The following HAPLN1 variants were observed in gnomAD, a reference collection of about 807,000 sequenced individuals.
The protein encoded by HAPLN1 is hyaluronan and proteoglycan link protein 1.
In HAPLN1, 13 loss-of-function variants were observed where a neutral mutation model predicts 36.5. That is an observed-to-expected ratio of 0.36 (90% CI 0.23 to 0.57). The LOEUF (loss-of-function observed/expected upper bound fraction) is 0.57. HAPLN1 is among the 20% of genes least tolerant of loss of function. The pLI is 0.83. For synonymous variants in HAPLN1, 202 were observed against 169.8 expected (o/e 1.19, Z -1.48); for missense variants, 407 against 439.7 (o/e 0.93, Z 0.66).
In HAPLN1 at chr5:83,700,465, A is replaced by G. The variant is rs73133891; in HGVS notation, c.-27+20324T>C. Among the ~76,000 whole-genome samples, 830 of 152,228 alleles carry G rather than the reference A, an allele frequency of 5.5e-3. 8 individuals are homozygous for G. Among genetic ancestry groups the G allele is most frequent in the African/African-American group, 0.019 (788 of 41,530 alleles). Reference sequence around the variant, plus strand: ...ATACTGTTCACCTCTCATCCTCACCATGGACACTGTCATCTGGTGCAGGCA... The same window carrying G: ...ATACTGTTCACCTCTCATCCTCACCGTGGACACTGTCATCTGGTGCAGGCA... On this transcript the variant is annotated intron_variant, in intron 1 of 4. Coordinates refer to ENST00000274341, the MANE Select transcript of HAPLN1 (RefSeq NM_001884.4).
intron 1 of HAPLN1, among the ~76,000 whole-genome samples, chr5:83,714,326 G>A (rs1435135643): frequency 6.6e-6 from 1 of 152,042 alleles, no homozygotes; most frequent in East Asian, 1.9e-4. Flanking sequence ...GCTTACAAGA[G>A]CACCAAACGA....
chr5:83,682,582 G>C (rs1751031234), intron 1 of HAPLN1: 1 of 152,130 alleles, frequency 6.6e-6, no homozygotes, highest in South Asian at 2.1e-4. Flanking sequence ...TATCTTCCAA[G>C]ATCCTTACGA....
Position 83,641,162 on chromosome 5 carries a change from C to T in HAPLN1, c.*334G>A, listed in dbSNP as rs1445341647. 1 of 155,152 alleles carries T rather than the reference C, an allele frequency of 6.4e-6. No homozygotes were observed. Among genetic ancestry groups the T allele is most frequent in the Non-Finnish European group, 1.4e-5 (1 of 69,930 alleles). 9.6% of individuals were successfully genotyped at this position (155,152 alleles called of 1,614,324 possible). On this transcript the variant is annotated 3_prime_UTR_variant, in exon 5 of 5. Transcript: ENST00000274341. ...TTGTGGAACCTGCTGCTCTGAGTAG[C>T]TTTACTTTCCTTAATTTAATCCTAG...
intron 1 of HAPLN1, among the ~76,000 whole-genome samples, chr5:83,691,518 G>A (rs1451242668): frequency 1.3e-5 from 2 of 151,972 alleles, no homozygotes; most frequent in African/African-American, 4.8e-5. Flanking sequence ...CTAGTGGAGG[G>A]AAAAGTAATA....
At chr5:83,710,602 T>C (rs150329535) in intron 1 of HAPLN1, among the ~76,000 whole-genome samples, 1 of 151,868 alleles carries the variant, frequency 6.6e-6, no homozygotes, top group East Asian at 1.9e-4. Context: ...GTATGTGACA[T>C]TAGAAAAGGT....
At chr5:83,667,220 T>C (rs1000923331) in intron 2 of HAPLN1, among the ~76,000 whole-genome samples, 1 of 152,284 alleles carries the variant, frequency 6.6e-6, no homozygotes, top group African/African-American at 2.4e-5. Context: ...ATATATACTT[T>C]TGTTCTTTAC....
chr5:83,693,271 CTG>C (rs1751320630), intron 1 of HAPLN1, among the ~76,000 whole-genome samples: 1 of 151,690 alleles, frequency 6.6e-6, no homozygotes, highest in Non-Finnish European at 1.5e-5. Flanking sequence ...TGAAAATAGA[CTG>C]TGAAAAGTTA....
chr5:83,711,556 GA>G (rs1751786454), intron 1 of HAPLN1, among the ~76,000 whole-genome samples: 1 of 152,166 alleles, frequency 6.6e-6, no homozygotes, highest in Non-Finnish European at 1.5e-5. Context: ...TAGGTAGGAG[GA>G]ATGAAGAAAA....
At chr5:83,661,729 A>C (rs1283292396) in intron 2 of HAPLN1, among the ~76,000 whole-genome samples, 1 of 150,544 alleles carries the variant, frequency 6.6e-6, no homozygotes, top group Non-Finnish European at 1.5e-5. Flanking sequence ...AGGCGTGAGC[A>C]ACGGCACCCG....
At chr5:83,706,107 A>G (rs1395830862) in intron 1 of HAPLN1, among the ~76,000 whole-genome samples, 6 of 150,788 alleles carry the variant, frequency 4.0e-5, no homozygotes, top group Admixed American at 2.0e-4. Context: ...ACCAATCGAA[A>G]AAAAAAAAAA....
chr5:83,648,536 A>C (rs1038969152), intron 3 of HAPLN1, among the ~76,000 whole-genome samples: 2 of 150,566 alleles, frequency 1.3e-5, no homozygotes, highest in Admixed American at 1.3e-4. Flanking sequence ...TAGGAGCTAT[A>C]TAATTTAGGC....
At chr5:83,707,527 C>G (rs1334861408) in intron 1 of HAPLN1, among the ~76,000 whole-genome samples, 1 of 152,036 alleles carries the variant, frequency 6.6e-6, no homozygotes, top group Non-Finnish European at 1.5e-5. Flanking sequence ...TATTGGCTAG[C>G]GATATGCAGA....
At chr5:83,709,608 G>T (rs972668621) in intron 1 of HAPLN1, among the ~76,000 whole-genome samples, 2 of 152,274 alleles carry the variant, frequency 1.3e-5, no homozygotes, top group South Asian at 4.1e-4. Flanking sequence ...CCCAGAGAGT[G>T]AACATACTGT....
intron 2 of HAPLN1, among the ~76,000 whole-genome samples, chr5:83,669,726 C>T (rs546704564): frequency 1.3e-4 from 19 of 151,764 alleles, no homozygotes; most frequent in African/African-American, 4.1e-4. Context: ...AGGGAGGAAG[C>T]AATAAACATA....
chr5:83,644,041 C>G (rs1305264027), intron 4 of HAPLN1, among the ~76,000 whole-genome samples: 1 of 152,158 alleles, frequency 6.6e-6, no homozygotes, highest in East Asian at 1.9e-4. Context: ...AGAACCATAT[C>G]CTACGGAGGG....
intron 1 of HAPLN1, among the ~76,000 whole-genome samples, chr5:83,684,152 C>CTT (rs1399080266): frequency 3.3e-5 from 5 of 152,124 alleles, no homozygotes; most frequent in African/African-American, 1.2e-4. Context: ...GGAAAAACAA[C>CTT]ACCAGATAGG....
At chr5:83,707,491 C>A (rs1309388593) in intron 1 of HAPLN1, among the ~76,000 whole-genome samples, 1 of 152,138 alleles carries the variant, frequency 6.6e-6, no homozygotes, top group Non-Finnish European at 1.5e-5. Context: ...GGAAAAGACT[C>A]CCTATACAAT....
chr5:83,661,507 C>G (rs968966866), intron 2 of HAPLN1, among the ~76,000 whole-genome samples: 6 of 134,670 alleles, frequency 4.5e-5, no homozygotes, highest in East Asian at 2.2e-4. Flanking sequence ...TGCAGTGGCG[C>G]GATCTCAGCT....
intron 1 of HAPLN1, among the ~76,000 whole-genome samples, chr5:83,676,349 G>A (rs1472649988): frequency 1.3e-5 from 2 of 152,156 alleles, no homozygotes; most frequent in Non-Finnish European, 2.9e-5. Context: ...ATACTTTAGA[G>A]TACCCTGTGC....
Sources: allele counts gnomAD v4.1 joint callset (sites outside exome capture counted in the v4.1 genomes callset), GRCh38; gene constraint gnomAD v4.1.1; transcripts MANE v1.5; gene names NCBI Gene and HGNC (gene_info 2026-07-23, HGNC 2026-07-21).